FOXL1: variants seen among roughly 807,000 people sequenced by gnomAD.
FOXL1 encodes the protein forkhead box L1.
Under a neutral mutation model 1.7 loss-of-function variants are expected in FOXL1, and 2 were observed. The ratio of observed to expected loss-of-function variants is 1.21; its 90% CI spans 0.49 to 3.80. FOXL1 has a LOEUF of 3.80. Ranked by LOEUF, FOXL1 falls within the 30% of genes most tolerant of loss-of-function variation. The probability of loss-of-function intolerance (pLI) is 0.07; values close to 1 mark genes in which losing one functional copy is unlikely to be tolerated. For missense variants in FOXL1, 565 were observed against 495.8 expected, an observed-to-expected ratio of 1.14 and a Z score of -1.32; for synonymous variants, 280 against 229.3, an observed-to-expected ratio of 1.22 and a Z score of -2.00.
In FOXL1 at chr16:86,583,133, T is replaced by G. The variant is rs917146165; in HGVS notation, c.*3372T>G. On this transcript the variant is annotated 3_prime_UTR_variant, in exon 1 of 1. Coordinates refer to ENST00000320241, the MANE Select transcript of FOXL1 (RefSeq NM_005250.3). ...CATTTTCAGATTTAATTGTGCCCGT[T>G]TGAATGGTGGTCTTCACCATTTCAC... Among the ~76,000 whole-genome samples the G allele has an allele frequency of 6.6e-6, 1 of 151,592 alleles. No individual in the cohort carries two copies. Among genetic ancestry groups the G allele is most frequent in the East Asian group, 1.9e-4 (1 of 5,180 alleles).
In FOXL1 at chr16:86,583,226, GA is replaced by G. The variant is rs1413272790; in HGVS notation, c.*3468del. 6.6e-6 allele frequency among the ~76,000 whole-genome samples: 1 copy of G among 151,884 alleles called. No individual in the cohort carries two copies. The highest frequency in any genetic ancestry group is 1.5e-5 in the Non-Finnish European group (1 of 68,008). ...GCCACATATAATTATTGTTACAGCT[GA>G]AAGCCAGAGCCAGCCTGCCCAGACC... On this transcript the variant is annotated 3_prime_UTR_variant, in exon 1 of 1. Transcript: ENST00000320241.
Position 86,583,150 on chromosome 16 carries a change from C to T in FOXL1, c.*3389C>T, listed in dbSNP as rs972830043. 6.6e-6 allele frequency among the ~76,000 whole-genome samples: 1 copy of T among 151,608 alleles called. No homozygotes were observed. The highest frequency in any genetic ancestry group is 1.5e-5 in the Non-Finnish European group (1 of 67,972). ...GTGCCCGTTTGAATGGTGGTCTTCA[C>T]CATTTCACTCAAAGTGGTGAGTGTA... On this transcript the variant is annotated 3_prime_UTR_variant, in exon 1 of 1. Transcript: ENST00000320241.
Position 86,578,919 on chromosome 16 carries a change from C to A in FOXL1, c.196C>A (p.Pro66Thr). The A allele has an allele frequency of 6.2e-7, 1 of 1,614,180 alleles. No individual in the cohort carries two copies. The highest frequency in any genetic ancestry group is 2.2e-5 in the East Asian group (1 of 44,870). ...CATCGCCATGGCGATCCAGGACGCGCCCGAGCAGAGGGTCACGCTCAACGG... is the reference window on the plus strand; with the variant it reads ...CATCGCCATGGCGATCCAGGACGCGACCGAGCAGAGGGTCACGCTCAACGG... ...ALIAMAIQDA[P>T]EQRVTLNGIY... The change falls in exon 1 of 1, where the codon CCC becomes ACC. Residue 66 changes from proline to threonine, a missense_variant. Transcript: ENST00000320241.
chr16:86,579,786 C>T lies in FOXL1; in HGVS notation c.*25C>T. ...AAGCAAACAATGGCACGGTTCTTCT[C>T]CCGGCCCAGCCTGAGCCTCCGCTGA... On this transcript the variant is annotated 3_prime_UTR_variant, in exon 1 of 1. Transcript: ENST00000320241. 6.3e-7 allele frequency: 1 copy of T among 1,594,276 alleles called. No homozygotes were observed. The highest frequency in any genetic ancestry group is 8.6e-7 in the Non-Finnish European group (1 of 1,164,742).
rs1974367233 is a variant in FOXL1, at chr16:86,578,593, G to A, written c.-131G>A. ...AGAAGGGACAGAGCACGGAGCGGCCGGGGAGAGCGGCAGAGCCAGAGGCAG... is the reference window on the plus strand; with the variant it reads ...AGAAGGGACAGAGCACGGAGCGGCCAGGGAGAGCGGCAGAGCCAGAGGCAG... On this transcript the variant is annotated 5_prime_UTR_variant, in exon 1 of 1. Transcript: ENST00000320241. The A allele has an allele frequency of 7.2e-6, 5 of 690,556 alleles. No individual in the cohort carries two copies. Among genetic ancestry groups the A allele is most frequent in the South Asian group, 1.9e-5 (1 of 53,572 alleles). The allele number at this position is 690,556 out of a possible 1,614,324, so 42.8% of individuals were successfully genotyped here.
In FOXL1 at chr16:86,579,163, C is replaced by CGGGCCCCG; in HGVS notation, c.450_457dup (p.Glu153GlyfsTer114). The CGGGCCCCG allele has an allele frequency of 2.5e-6, 4 of 1,609,812 alleles. No homozygotes were observed. The highest frequency in any genetic ancestry group is 1.7e-6 in the Non-Finnish European group (2 of 1,178,632). On this transcript the variant is annotated frameshift_variant, in exon 1 of 1. Transcript: ENST00000320241. LOFTEE classifies it low-confidence loss of function (END_TRUNC). ...CGGCGCCGGAAGAGGAAGCCCAAGCCGGGCCCCGGGGCCCCGGAGGCCAAG... is the reference window on the plus strand; with the variant it reads ...CGGCGCCGGAAGAGGAAGCCCAAGCCGGGCCCCGGGGCCCCGGGGCCCCGGAGGCCAAG...
Position 86,579,482 on chromosome 16 carries a change from G to C in FOXL1, c.759G>C (p.Lys253Asn), listed in dbSNP as rs1597406393. The stretch of plus-strand genomic sequence containing the variant: ...GCCCCGCCTCCCGCAGCTCTCCGAA[G>C]AGCTCCGACAAGTCCAAGAGCTTCA... ...PLRPASRSSP[K>N]SSDKSKSFSI... Residue 253 changes from lysine to asparagine, a missense_variant, in exon 1 of 1, where the codon AAG (lysine) becomes AAC (asparagine). Lys to Asn is a moderately conservative substitution (Grantham distance 94). Transcript: ENST00000320241. The C allele has an allele frequency of 1.3e-6, 2 of 1,573,794 alleles. No individual in the cohort carries two copies. Among genetic ancestry groups the C allele is most frequent in the Non-Finnish European group, 8.6e-7 (1 of 1,159,806 alleles).
rs999623785 is a variant in FOXL1 at position 86,582,934 on chromosome 16, C to T, written c.*3173C>T. Among the ~76,000 whole-genome samples the T allele has an allele frequency of 2.6e-5, 4 of 150,966 alleles. No homozygotes were observed. The highest frequency in any genetic ancestry group is 4.9e-5 in the African/African-American group (2 of 40,960). ...ACTGACAGATTTTATTTAAACATCG[C>T]GGAAGACACCCGCTTTGAGAACTTT... On this transcript the variant is annotated 3_prime_UTR_variant, in exon 1 of 1. Transcript: ENST00000320241.
At position 86,581,853 on chromosome 16, in the gene FOXL1, G is replaced by T; in HGVS notation, c.*2092G>T. 6.3e-6 allele frequency: 1 copy of T among 159,906 alleles called. No individual in the cohort carries two copies. The allele number at this position is 159,906 out of a possible 1,614,324, so 9.9% of individuals were successfully genotyped here. A position where few individuals can be genotyped will look rare whatever the true frequency, so the allele number is the denominator to read the frequency against. On this transcript the variant is annotated 3_prime_UTR_variant, in exon 1 of 1. Transcript: ENST00000320241. ...ATGGAGGGGAAGGAGTGGAGAGGAT[G>T]CCGGGCCCAGGAAGCTGCCTCCATA...
In FOXL1 at chr16:86,582,500, G is replaced by A. The variant is rs1228537059; in HGVS notation, c.*2739G>A. Reference sequence around the variant, plus strand: ...ATCTGTCTTCTGTAAATGATCTTTGGTTCAAGCCCTGATTACACACACACA... The same window carrying A: ...ATCTGTCTTCTGTAAATGATCTTTGATTCAAGCCCTGATTACACACACACA... On this transcript the variant is annotated 3_prime_UTR_variant, in exon 1 of 1. Coordinates refer to ENST00000320241, the MANE Select transcript of FOXL1 (RefSeq NM_005250.3). 6.6e-6 allele frequency among the ~76,000 whole-genome samples: 1 copy of A among 151,966 alleles called. No individual in the cohort carries two copies. Among genetic ancestry groups the A allele is most frequent in the Non-Finnish European group, 1.5e-5 (1 of 68,022 alleles).
chr16:86,579,526 C>T lies in FOXL1; in HGVS notation c.803C>T (p.Ala268Val). ...AGCTTCAGCATAGACAGCATCCTGG[C>T]GGGAAAGCAGGGCCAGAAGCCGCCT... Reference protein sequence around the residue: ...SKSFSIDSILAGKQGQKPPSG... With the variant: ...SKSFSIDSILVGKQGQKPPSG... Residue 268 changes from alanine to valine, a missense_variant, in exon 1 of 1, where the codon GCG becomes GTG. Coordinates refer to ENST00000320241, the MANE Select transcript of FOXL1 (RefSeq NM_005250.3). 1.1e-5 allele frequency: 18 copies of T among 1,606,214 alleles called. No homozygotes were observed. The highest frequency in any genetic ancestry group is 1.5e-5 in the Non-Finnish European group (18 of 1,176,650).
Position 86,578,821 on chromosome 16 carries a change from C to A in FOXL1, c.98C>A (p.Ala33Asp), listed in dbSNP as rs781452561. ...PERPGLPLAF[A>D]PAAALAASGR... ...AGACCCGGCCTCCCTCTGGCCTTCG[C>A]CCCCGCGGCTGCTCTAGCTGCCTCG... The change falls in exon 1 of 1, where the codon GCC becomes GAC. Residue 33 changes from alanine (A) to aspartate (D), a missense_variant. By Grantham distance (126) the Ala-to-Asp change is moderately radical. Transcript: ENST00000320241. 4 of 1,613,504 alleles carry A rather than the reference C, an allele frequency of 2.5e-6. No individual in the cohort carries two copies. The African/African-American group carries it at 4.0e-5, about 16-fold the overall frequency.
rs184486833 is a variant in FOXL1 at position 86,583,317 on chromosome 16, G to C, written c.*3556G>C. Among the ~76,000 whole-genome samples the C allele has an allele frequency of 3.1e-3, 465 of 152,150 alleles. 5 individuals carry two copies. The highest frequency in any genetic ancestry group is 2.3e-3 in the Non-Finnish European group (156 of 68,010). On this transcript the variant is annotated 3_prime_UTR_variant, in exon 1 of 1. Coordinates refer to ENST00000320241, the MANE Select transcript of FOXL1 (RefSeq NM_005250.3). The stretch of plus-strand genomic sequence containing the variant: ...TTCCAGTAACCAGCTGCACCCAGGA[G>C]TGAGAAAATAAGGGGAGAGCCATGA...
In FOXL1 at chr16:86,579,040, G is replaced by T; in HGVS notation, c.317G>T (p.Cys106Phe). The change falls in exon 1 of 1, where the codon TGC becomes TTC. Residue 106 changes from cysteine (C) to phenylalanine (F), a missense_variant. Physicochemically the swap from Cys to Phe is radical, Grantham distance 205. Transcript: ENST00000320241. ...CGCCACAACCTCTCGCTCAACGACT[G>T]CTTCGTCAAGGTGCCCCGCGAGAAA... ...SIRHNLSLNDCFVKVPREKGR... is the reference protein window; with the variant it reads ...SIRHNLSLNDFFVKVPREKGR... The T allele has an allele frequency of 6.2e-7, 1 of 1,614,112 alleles. No individual in the cohort carries two copies. Among genetic ancestry groups the T allele is most frequent in the Non-Finnish European group, 8.5e-7 (1 of 1,179,984 alleles).
Position 86,578,897 on chromosome 16 carries a change from C to G in FOXL1, c.174C>G (p.Ile58Met). ...CTCCCTACAGCTACATCGCGCTCATCGCCATGGCGATCCAGGACGCGCCCG... is the reference window on the plus strand; with the variant it reads ...CTCCCTACAGCTACATCGCGCTCATGGCCATGGCGATCCAGGACGCGCCCG... The part of the protein sequence containing the change: ...QKPPYSYIAL[I>M]AMAIQDAPEQ... The change falls in exon 1 of 1, where the codon ATC becomes ATG. Residue 58 changes from isoleucine (I) to methionine (M), a missense_variant. By Grantham distance (10) the Ile-to-Met change is conservative. Coordinates refer to ENST00000320241, the MANE Select transcript of FOXL1 (RefSeq NM_005250.3). 1 of 1,614,172 alleles carries G rather than the reference C, an allele frequency of 6.2e-7. No homozygotes were observed. Among genetic ancestry groups the G allele is most frequent in the Non-Finnish European group, 8.5e-7 (1 of 1,180,010 alleles).
Position 86,579,398 on chromosome 16 carries a change from AG to A in FOXL1, c.676del (p.Ala226ArgfsTer38). On this transcript the variant is annotated frameshift_variant, in exon 1 of 1. Transcript: ENST00000320241. LOFTEE classifies it low-confidence loss of function (END_TRUNC). ...ACGCTGGTGACGCTGCCCAGGGCGC[AG>A]CGGCCGTGGCGGTCGGCCAGGCAGC... The part of the protein sequence containing the change: ...EDAGDAAQGA[A>X]AVAVGQAART... 6.6e-7 allele frequency: 1 copy of A among 1,525,198 alleles called. No individual in the cohort carries two copies. The allele number at this position is 1,525,198 out of a possible 1,614,324, so 94.5% of individuals were successfully genotyped here.
rs1352058464 is a variant in FOXL1, at chr16:86,582,999, C to G, written c.*3238C>G. Among the ~76,000 whole-genome samples, 2 of 149,416 alleles carry G rather than the reference C, an allele frequency of 1.3e-5. No individual in the cohort carries two copies. Among genetic ancestry groups the G allele is most frequent in the African/African-American group, 5.0e-5 (2 of 40,280 alleles). On this transcript the variant is annotated 3_prime_UTR_variant, in exon 1 of 1. Coordinates refer to ENST00000320241, the MANE Select transcript of FOXL1 (RefSeq NM_005250.3). ...AGGACAGAGAACTTTACAAAGGACT[C>G]TTGCTCTGCCTGGCCTCATCTAGTT... is the stretch of plus-strand genomic sequence containing the variant.
At position 86,579,405 on chromosome 16, in the gene FOXL1, G is replaced by C; in HGVS notation, c.682G>C (p.Val228Leu). 2 of 1,527,908 alleles carry C rather than the reference G, an allele frequency of 1.3e-6. No individual in the cohort carries two copies. Among genetic ancestry groups the C allele is most frequent in the African/African-American group, 2.8e-5 (2 of 72,318 alleles). 94.6% of individuals were successfully genotyped at this position (1,527,908 alleles called of 1,614,324 possible). The change falls in exon 1 of 1, where the codon GTG becomes CTG. Residue 228 changes from valine (V) to leucine (L), a missense_variant. Coordinates refer to ENST00000320241, the MANE Select transcript of FOXL1 (RefSeq NM_005250.3). ...TGACGCTGCCCAGGGCGCAGCGGCCGTGGCGGTCGGCCAGGCAGCGCGCAC... is the reference window on the plus strand; with the variant it reads ...TGACGCTGCCCAGGGCGCAGCGGCCCTGGCGGTCGGCCAGGCAGCGCGCAC... ...AGDAAQGAAA[V>L]AVGQAARTGD... is the part of the protein sequence containing the mutation.
At position 86,579,622 on chromosome 16, in the gene FOXL1, C is replaced by T. The variant is rs750763910; in HGVS notation, c.899C>T (p.Ala300Val). ...CGTCTGGGTGCCTCGCTCCTGGCCG[C>T]CTCCTCCAGCCTCCGTCCGCCTTTC... ...GGRLGASLLA[A>V]SSSLRPPFNA... Residue 300 changes from alanine to valine, a missense_variant, in exon 1 of 1, where the codon GCC becomes GTC. Coordinates refer to ENST00000320241, the MANE Select transcript of FOXL1 (RefSeq NM_005250.3). The T allele has an allele frequency of 6.2e-7, 1 of 1,613,408 alleles. No homozygotes were observed. The highest frequency in any genetic ancestry group is 8.5e-7 in the Non-Finnish European group (1 of 1,179,946).
Sources: allele counts gnomAD v4.1 joint callset (sites outside exome capture counted in the v4.1 genomes callset), GRCh38; gene constraint gnomAD v4.1.1; transcripts MANE v1.5; gene names NCBI Gene and HGNC (gene_info 2026-07-23, HGNC 2026-07-21).